CXADR: variants seen among roughly 807,000 people sequenced by gnomAD.
The protein encoded by CXADR is coxsackievirus and adenovirus receptor.
In CXADR, 20 loss-of-function variants were observed where a neutral mutation model predicts 40.3. That is an observed-to-expected ratio of 0.50 (90% CI 0.35 to 0.72). The LOEUF (loss-of-function observed/expected upper bound fraction) is 0.72. Ranked by LOEUF, CXADR falls within the 30% of genes least tolerant of loss-of-function variation. CXADR has a pLI of 0.01. For synonymous variants in CXADR, 150 were observed against 161.3 expected, an observed-to-expected ratio of 0.93 and a Z score of 0.53; for missense variants, 332 against 449.1, an observed-to-expected ratio of 0.74 and a Z score of 2.36.
At chr21:17,534,096 ATATATTTTTTTTTT>A (rs1404246678) in intron 1 of CXADR, among the ~76,000 whole-genome samples, 1 of 91,926 alleles carries the variant, frequency 1.1e-5, no homozygotes, top group Non-Finnish European at 2.0e-5. Flanking sequence ...ATATATATAT[ATATATTTTTTTTTT>A]TTTTTTTTTT....
chr21:17,518,234 A>C (rs1366478585), intron 1 of CXADR, among the ~76,000 whole-genome samples: 3 of 152,148 alleles, frequency 2.0e-5, no homozygotes, highest in African/African-American at 7.2e-5. Flanking sequence ...ACACACATAC[A>C]TAAGCAAACA....
the CXADR span, among the ~76,000 whole-genome samples, chr21:17,599,475 ATTTTT>A: frequency 8.5e-6 from 1 of 117,242 alleles, no homozygotes; most frequent in African/African-American, 3.3e-5. Flanking sequence ...CCACTGGCTG[ATTTTT>A]TTTTTTTTTT....
chr21:17,608,236 G>A, the CXADR span, among the ~76,000 whole-genome samples: 2 of 152,160 alleles, frequency 1.3e-5, no homozygotes, highest in South Asian at 4.1e-4. Flanking sequence ...AGCCTGGTGT[G>A]TTGGCACATG....
chr21:17,553,133 G>A (rs1012497628), intron 3 of CXADR, among the ~76,000 whole-genome samples: 1 of 152,126 alleles, frequency 6.6e-6, no homozygotes, highest in Non-Finnish European at 1.5e-5. Flanking sequence ...ATGTTGGCCA[G>A]GCTGGTCTCA....
the CXADR span, among the ~76,000 whole-genome samples, chr21:17,636,089 T>A: frequency 1.7e-4 from 26 of 152,206 alleles, no homozygotes; most frequent in African/African-American, 6.0e-4. Flanking sequence ...AATTTCTGAT[T>A]GTTTATTGCT....
rs143521286 is a variant in CXADR at position 17,579,171 on chromosome 21, A to G, written c.1017+13560A>G. The stretch of plus-strand genomic sequence containing the variant: ...AAAGAGAGCCTGGAAAGAAGGGGCC[A>G]AGATAAAATGAAGAACTTGAGAAAG... On this transcript the variant is annotated intron_variant, in intron 7 of 7. Transcript: ENST00000400169. Among the ~76,000 whole-genome samples, 634 of 152,350 alleles carry G rather than the reference A, an allele frequency of 4.2e-3. 4 individuals are homozygous for G. The highest frequency in any genetic ancestry group is 0.031 in the Middle Eastern group (9 of 294).
intron 7 of CXADR, among the ~76,000 whole-genome samples, chr21:17,587,727 G>A (rs1388614062): frequency 6.6e-6 from 1 of 151,996 alleles, no homozygotes; most frequent in South Asian, 2.1e-4. Flanking sequence ...CTGTGCAGAA[G>A]CTCTTTAGTT....
At position 17,547,941 on chromosome 21, in the gene CXADR, G is replaced by A. The variant is rs1013162996; in HGVS notation, c.210+748G>A. Among the ~76,000 whole-genome samples the A allele has an allele frequency of 2.6e-5, 4 of 152,120 alleles. No homozygotes were observed. In the East Asian group the frequency reaches 7.7e-4, roughly 29 times the overall value. On this transcript the variant is annotated intron_variant, in intron 2 of 6. Coordinates refer to ENST00000284878, the MANE Select transcript of CXADR (RefSeq NM_001338.5). Reference sequence around the variant, plus strand: ...AACTTGGAAAGCCAAAAATAGCACAGAGGAGGAAACATGCCTAATAATCTC... The same window carrying A: ...AACTTGGAAAGCCAAAAATAGCACAAAGGAGGAAACATGCCTAATAATCTC...
the CXADR span, among the ~76,000 whole-genome samples, chr21:17,632,747 T>C: frequency 6.6e-6 from 1 of 152,056 alleles, no homozygotes; most frequent in African/African-American, 2.4e-5. Flanking sequence ...CAGGCGCCTG[T>C]AGTCCCAGCT....
At chr21:17,607,718 C>T in the CXADR span, among the ~76,000 whole-genome samples, 1 of 152,132 alleles carries the variant, frequency 6.6e-6, no homozygotes, top group Non-Finnish European at 1.5e-5. Context: ...ACTTTGGGGA[C>T]ATCAATATAC....
chr21:17,599,039 A>G, the CXADR span: 6 of 425,112 alleles, frequency 1.4e-5, no homozygotes, highest in African/African-American at 1.0e-4. Flanking sequence ...ATTCATAAAC[A>G]TAACCCCATT....
chr21:17,552,396 GCTT>G (rs2060980059), intron 3 of CXADR, among the ~76,000 whole-genome samples: 2 of 152,170 alleles, frequency 1.3e-5, no homozygotes, highest in African/African-American at 4.8e-5. Flanking sequence ...TAGTATTTAA[GCTT>G]CTTGGCATCA....
chr21:17,569,930 T>G lies in CXADR; in HGVS notation c.*4238T>G. 2 of 985,448 alleles carry G rather than the reference T, an allele frequency of 2.0e-6. No individual in the cohort carries two copies. Among genetic ancestry groups the G allele is most frequent in the Non-Finnish European group, 1.2e-6 (1 of 829,926 alleles). The allele number at this position is 985,448 out of a possible 1,614,324, so 61.0% of individuals were successfully genotyped here. On this transcript the variant is annotated 3_prime_UTR_variant, in exon 7 of 7. Transcript: ENST00000284878. Reference sequence around the variant, plus strand: ...GGAAAATATTCTGACACTTCACGTGTGCAAAGTATAGAACTGACAGTGTCA... The same window carrying G: ...GGAAAATATTCTGACACTTCACGTGGGCAAAGTATAGAACTGACAGTGTCA...
At chr21:17,526,583 G>A (rs547443086) in intron 1 of CXADR, among the ~76,000 whole-genome samples, 2 of 152,186 alleles carry the variant, frequency 1.3e-5, no homozygotes, top group African/African-American at 2.4e-5. Context: ...GGTTGCTGGG[G>A]AAATTTGAAT....
At chr21:17,588,871 T>C (rs1488235294) in intron 7 of CXADR, among the ~76,000 whole-genome samples, 1 of 152,098 alleles carries the variant, frequency 6.6e-6, no homozygotes, top group Non-Finnish European at 1.5e-5. Flanking sequence ...CTATTGACTT[T>C]ATGTATTAAT....
intron 1 of CXADR, among the ~76,000 whole-genome samples, chr21:17,532,188 C>T (rs2060687134): frequency 6.6e-6 from 1 of 152,102 alleles, no homozygotes; most frequent in Admixed American, 6.5e-5. Context: ...CTGCCCCAAC[C>T]TCCCAAAGTG....
intron 1 of CXADR, among the ~76,000 whole-genome samples, chr21:17,527,803 T>C (rs1014003171): frequency 3.3e-5 from 5 of 151,544 alleles, no homozygotes; most frequent in Non-Finnish European, 7.4e-5. Flanking sequence ...TTTTTATTTT[T>C]ATTTATTTAT....
chr21:17,610,159 A>G, the CXADR span, among the ~76,000 whole-genome samples: 1 of 152,330 alleles, frequency 6.6e-6, no homozygotes, highest in East Asian at 1.9e-4. Flanking sequence ...TTAGTGGCCT[A>G]CGGGGAAGTG....
exon 8 of CXADR, chr21:17,593,417 G>A: frequency 3.0e-6 from 1 of 334,376 alleles, no homozygotes; most frequent in Non-Finnish European, 5.5e-6. Flanking sequence ...TAGTGACACT[G>A]ATAGTTAAAA....
Sources: allele counts gnomAD v4.1 joint callset (sites outside exome capture counted in the v4.1 genomes callset), GRCh38; gene constraint gnomAD v4.1.1; transcripts MANE v1.5; gene names NCBI Gene and HGNC (gene_info 2026-07-23, HGNC 2026-07-21).